The following CTBP2 variants were observed in gnomAD, a reference collection of about 807,000 sequenced individuals.
CTBP2 encodes C-terminal binding protein 2.
A neutral mutation model predicts 80.3 loss-of-function variants in CTBP2; 30 were observed. The ratio of observed to expected loss-of-function variants is 0.37; its 90% CI spans 0.28 to 0.51. The LOEUF is 0.51. Ranked by LOEUF, CTBP2 falls within the 20% of genes least tolerant of loss-of-function variation. The pLI, the probability that CTBP2 is intolerant of heterozygous loss-of-function variation, is 0.93. For missense variants in CTBP2, 1,212 were observed against 1,375.3 expected (o/e 0.88, Z 1.88); for synonymous variants, 594 against 587.4 (o/e 1.01, Z -0.16).
intron 1 of CTBP2, among the ~76,000 whole-genome samples, chr10:125,116,234 A>G (rs1451283697): frequency 6.6e-6 from 1 of 152,212 alleles, no homozygotes; most frequent in Non-Finnish European, 1.5e-5. Flanking sequence ...TCTGGGGCCA[A>G]GGCCTGTACC....
At chr10:125,073,961 C>G (rs901293682) in intron 2 of CTBP2, among the ~76,000 whole-genome samples, 1 of 152,210 alleles carries the variant, frequency 6.6e-6, no homozygotes, top group Non-Finnish European at 1.5e-5. Flanking sequence ...GATCTTCAAT[C>G]CCACCCAGCA....
intron 1 of CTBP2, among the ~76,000 whole-genome samples, chr10:125,144,849 C>A (rs1200462239): frequency 1.3e-5 from 2 of 152,194 alleles, no homozygotes; most frequent in African/African-American, 4.8e-5. Context: ...AAACCAATTT[C>A]TTTTCTAGCA....
At chr10:125,014,013 G>A (rs77222154) in intron 1 of CTBP2, among the ~76,000 whole-genome samples, 59 of 152,262 alleles carry the variant, frequency 3.9e-4, no homozygotes, top group African/African-American at 1.4e-3. Flanking sequence ...GGCTTCTCAC[G>A]TGAGGCATGC....
At chr10:125,069,434 A>G (rs887351523) in intron 2 of CTBP2, among the ~76,000 whole-genome samples, 1 of 152,188 alleles carries the variant, frequency 6.6e-6, no homozygotes, top group Admixed American at 6.5e-5. Flanking sequence ...CCTGGCCAAC[A>G]TGGTGAAACC....
chr10:125,028,813 A>G (rs1957907282), upstream of CTBP2, among the ~76,000 whole-genome samples: 1 of 152,266 alleles, frequency 6.6e-6, no homozygotes, highest in Admixed American at 6.5e-5. Context: ...GCCTAATTCC[A>G]GCAGGCTTAG....
At chr10:125,044,755 G>T (rs138234837) in intron 2 of CTBP2, among the ~76,000 whole-genome samples, 1 of 152,264 alleles carries the variant, frequency 6.6e-6, no homozygotes, top group East Asian at 1.9e-4. Context: ...CACCCAGTGA[G>T]AGCCTGTCTC....
chr10:125,026,234 G>C lies in CTBP2; in HGVS notation c.1526C>G (p.Pro509Arg). ...TGCACCTGGCTTCCGCAAGACCTGG[G>C]GGCTGCCGTGAGGGCTGGGCAGCGG... The change falls in exon 1 of 9, where the codon CCC becomes CGC. Residue 509 changes from proline to arginine, a missense_variant. Physicochemically the swap from Pro to Arg is moderately radical, Grantham distance 103. This residue lies in a region of CTBP2 where 848 missense variants were observed against 782.3 expected (regional missense o/e 1.08). Coordinates refer to ENST00000309035, the MANE Select transcript of CTBP2 (RefSeq NM_022802.3). 1 of 1,613,782 alleles carries C rather than the reference G, an allele frequency of 6.2e-7. No individual in the cohort carries two copies. The highest frequency in any genetic ancestry group is 1.1e-5 in the South Asian group (1 of 91,066).
In CTBP2 at chr10:124,993,834, G is replaced by A. The variant is rs765457576; in HGVS notation, c.2531+21C>T. On this transcript the variant is annotated intron_variant, in intron 6 of 8. Coordinates refer to ENST00000309035, the MANE Select transcript of CTBP2 (RefSeq NM_022802.3). ...AGCTGGGCCCTGTGGGCTCCTGGTA[G>A]GCGGCTGGGGCAACACGCACCTGAA... is the stretch of plus-strand genomic sequence containing the variant. 1.9e-6 allele frequency: 3 copies of A among 1,602,642 alleles called. No homozygotes were observed. In the South Asian group the frequency reaches 3.3e-5, roughly 18 times the overall value.
intron 3 of CTBP2, among the ~76,000 whole-genome samples, chr10:125,001,730 C>T (rs929767970): frequency 2.0e-5 from 3 of 152,192 alleles, no homozygotes; most frequent in Non-Finnish European, 4.4e-5. Flanking sequence ...ACGGGCAGCT[C>T]CCTGCTCGCC....
chr10:125,031,427 T>G (rs1171635204), upstream of CTBP2, among the ~76,000 whole-genome samples: 1 of 133,384 alleles, frequency 7.5e-6, no homozygotes, highest in Non-Finnish European at 1.5e-5. Context: ...AGGTGCAGGT[T>G]GCAGTGAGCC....
chr10:125,016,224 C>G (rs1434916391), intron 1 of CTBP2, among the ~76,000 whole-genome samples: 2 of 152,170 alleles, frequency 1.3e-5, no homozygotes, highest in Admixed American at 6.5e-5. Flanking sequence ...TAGCAGCAAC[C>G]AGGAGGGCAA....
chr10:125,126,490 G>GCCCCACAAACT (rs1855276264), intron 1 of CTBP2, among the ~76,000 whole-genome samples: 1 of 152,214 alleles, frequency 6.6e-6, no homozygotes, highest in African/African-American at 2.4e-5. Flanking sequence ...GCAAGGCCAG[G>GCCCCACAAACT]CCCCACAAAC....
At chr10:125,018,650 G>A (rs1037010083) in intron 1 of CTBP2, among the ~76,000 whole-genome samples, 2 of 152,192 alleles carry the variant, frequency 1.3e-5, no homozygotes, top group African/African-American at 2.4e-5. Flanking sequence ...ATTCTCTCAA[G>A]GCTGGTTTCC....
At chr10:125,052,189 G>T (rs1310990493) in intron 2 of CTBP2, among the ~76,000 whole-genome samples, 1 of 152,204 alleles carries the variant, frequency 6.6e-6, no homozygotes, top group Admixed American at 6.5e-5. Flanking sequence ...GTGATGCAGG[G>T]GCAGCAATCT....
chr10:125,068,170 A>T (rs1844932935), intron 2 of CTBP2, among the ~76,000 whole-genome samples: 1 of 152,312 alleles, frequency 6.6e-6, no homozygotes, highest in East Asian at 1.9e-4. Context: ...GGGAAGCTTC[A>T]CAGCTGCACC....
chr10:124,996,228 C>T (rs982265001), intron 4 of CTBP2: 9 of 151,730 alleles, frequency 5.9e-5, no homozygotes, highest in African/African-American at 2.2e-4. Context: ...TTTAAAAGCG[C>T]AGCTCCCACA....
At position 125,066,237 on chromosome 10, in the gene CTBP2, C is replaced by G. The variant is rs113066879; in HGVS notation, c.-101-27082G>C. On this transcript the variant is annotated intron_variant, in intron 2 of 10. Coordinates refer to the CTBP2 transcript ENST00000337195. The surrounding 1 kb of genome is among the most constrained non-coding windows in gnomAD (Gnocchi z 4.1). ...TTCTGTTAACATGGCGATGGCTAGG[C>G]ACAGGCAGCCACCCCTCTACCAAGC... Among the ~76,000 whole-genome samples, 2 of 152,188 alleles carry G rather than the reference C, an allele frequency of 1.3e-5. No homozygotes were observed. Among genetic ancestry groups the G allele is most frequent in the African/African-American group, 4.8e-5 (2 of 41,524 alleles).
chr10:124,988,907 A>G lies in CTBP2; in HGVS notation c.*611T>C, dbSNP rs75007663. 6.7e-6 allele frequency: 1 copy of G among 149,686 alleles called. No individual in the cohort carries two copies. Among genetic ancestry groups the G allele is most frequent in the African/African-American group, 2.5e-5 (1 of 40,386 alleles). The allele number at this position is 149,686 out of a possible 1,614,324, so 9.3% of individuals were successfully genotyped here. On this transcript the variant is annotated 3_prime_UTR_variant, in exon 9 of 9. Transcript: ENST00000309035. ...CTTTTTTTTTTTTTTTTGCATCATC[A>G]GAGGGTTTTACTGAACTTACAACCG...
chr10:125,124,326 A>G (rs1457619794), intron 1 of CTBP2, among the ~76,000 whole-genome samples: 1 of 152,048 alleles, frequency 6.6e-6, no homozygotes, highest in Non-Finnish European at 1.5e-5. Context: ...CGACGCTAGC[A>G]CTCCCGGTAA....
Sources: gnomAD v4.1 joint callset for allele counts (sites outside exome capture counted in the v4.1 genomes callset) on GRCh38, gnomAD v4.1.1 for gene constraint, gnomAD v4.1.1 regional missense constraint, Gnocchi (gnomAD v3.1) non-coding constraint, MANE v1.5 for transcripts, NCBI Gene and HGNC (gene_info 2026-07-23, HGNC 2026-07-21) for gene names.